The following COL4A2 variants were observed in gnomAD, a reference collection of about 807,000 sequenced individuals.
COL4A2 encodes collagen type IV alpha 2 chain, also known as collagen alpha-2(IV) chain.
Under a neutral mutation model 200.2 loss-of-function variants are expected in COL4A2, and 99 were observed. The observed-to-expected ratio is 0.49, with a 90% CI of 0.42 to 0.58. The LOEUF is 0.58. Ranked by LOEUF, COL4A2 falls within the 20% of genes least tolerant of loss-of-function variation. The pLI is 0.00. For synonymous variants in COL4A2, 897 were observed against 900.6 expected (o/e 1.00, Z 0.07); for missense variants, 1,950 against 2,314.1 (o/e 0.84, Z 3.23).
At chr13:110,429,477 T>A (rs1428128189) in intron 7 of COL4A2, 1 of 174,998 alleles carries the variant, frequency 5.7e-6, no homozygotes, top group African/African-American at 2.4e-5. Context: ...CAATTCCAAT[T>A]TTAAAGAATG....
intron 3 of COL4A2, among the ~76,000 whole-genome samples, chr13:110,342,270 C>A (rs1408224260): frequency 6.6e-6 from 1 of 152,156 alleles, no homozygotes; most frequent in Admixed American, 6.5e-5. Context: ...ATTGATGGTA[C>A]CTAGAACTTA....
At chr13:110,450,537 C>T in intron 20 of COL4A2, 83 bp downstream of exon 20, 1 of 1,510,414 alleles carries the variant, frequency 6.6e-7, no homozygotes, top group Non-Finnish European at 9.0e-7. Context: ...TTGGGATTCT[C>T]TGCTAAATGA....
intron 3 of COL4A2, among the ~76,000 whole-genome samples, chr13:110,324,675 G>A (rs1265982912): frequency 6.6e-6 from 1 of 152,200 alleles, no homozygotes; most frequent in African/African-American, 2.4e-5. Context: ...GCTGCCCAGG[G>A]TGCCACAGTG....
intron 46 of COL4A2, among the ~76,000 whole-genome samples, chr13:110,507,255 C>A (rs1471343872): frequency 1.3e-5 from 2 of 152,164 alleles, no homozygotes; most frequent in Non-Finnish European, 2.9e-5. Flanking sequence ...GCTCATGGTG[C>A]CTTCACATTC....
At chr13:110,316,588 G>T (rs1885134766) in intron 3 of COL4A2, among the ~76,000 whole-genome samples, 1 of 152,160 alleles carries the variant, frequency 6.6e-6, no homozygotes, top group African/African-American at 2.4e-5. Context: ...GCATCCTGAA[G>T]ATGCTTCCAG....
chr13:110,414,224 G>A (rs895224980), intron 4 of COL4A2, among the ~76,000 whole-genome samples: 14 of 152,352 alleles, frequency 9.2e-5, no homozygotes, highest in East Asian at 5.8e-4. Flanking sequence ...TGGGTCATCA[G>A]CATGATGCTG....
intron 4 of COL4A2, among the ~76,000 whole-genome samples, chr13:110,362,861 A>AT (rs1877578482): frequency 1.3e-5 from 2 of 152,262 alleles, no homozygotes; most frequent in Admixed American, 1.3e-4. Context: ...AAAGTCTTGG[A>AT]TTTTTCCAAG....
intron 46 of COL4A2, among the ~76,000 whole-genome samples, chr13:110,506,848 C>A (rs1376685457): frequency 6.6e-6 from 1 of 152,188 alleles, no homozygotes; most frequent in Non-Finnish European, 1.5e-5. Flanking sequence ...GTATTGACTT[C>A]CGCAGGCTCC....
chr13:110,378,097 G>A (rs141472734), intron 4 of COL4A2, among the ~76,000 whole-genome samples: 4 of 152,324 alleles, frequency 2.6e-5, no homozygotes, highest in Non-Finnish European at 4.4e-5. Context: ...GTCTCGAATC[G>A]AGATGTAATG....
intron 4 of COL4A2, among the ~76,000 whole-genome samples, chr13:110,405,209 G>A (rs761761730): frequency 6.6e-6 from 1 of 152,194 alleles, no homozygotes; most frequent in Non-Finnish European, 1.5e-5. Context: ...ACAGAGAAAC[G>A]TTTTAGAAAA....
Position 110,425,103 on chromosome 13 carries a change from G to A in COL4A2, c.360+106G>A, listed in dbSNP as rs7326522. ...GAATGAGACCTCCTTTTTTGTTTAT[G>A]ACATAAAACACGTGGGGACTATACG... On this transcript the variant is annotated intron_variant, in intron 6 of 47. Transcript: ENST00000360467. The A allele has an allele frequency of 0.9, 1,245,804 of 1,390,524 alleles. 558,863 individuals are homozygous for A. Among genetic ancestry groups the A allele is most frequent in the East Asian group, 0.95 (40,707 of 42,714 alleles). 86.1% of individuals were successfully genotyped at this position (1,390,524 alleles called of 1,614,324 possible).
intron 40 of COL4A2, among the ~76,000 whole-genome samples, chr13:110,499,703 C>T (rs1462637644): frequency 2.0e-5 from 3 of 152,206 alleles, no homozygotes; most frequent in Non-Finnish European, 4.4e-5. Context: ...GTACTTAGGA[C>T]GATCCATGGG....
At chr13:110,355,750 A>G (rs1172225926) in intron 3 of COL4A2, among the ~76,000 whole-genome samples, 2 of 25,786 alleles carry the variant, frequency 7.8e-5, no homozygotes, top group Non-Finnish European at 1.2e-4. Flanking sequence ...TGTGTGGGGG[A>G]GGGCTGCACT....
chr13:110,468,418 C>CCAGCA, intron 27 of COL4A2: 1 of 439,090 alleles, frequency 2.3e-6, no homozygotes, highest in East Asian at 7.0e-5. Context: ...GAACCAGAGG[C>CCAGCA]CAGCACGCTC....
chr13:110,387,569 G>C (rs1008488330), intron 4 of COL4A2, among the ~76,000 whole-genome samples: 3 of 152,264 alleles, frequency 2.0e-5, no homozygotes, highest in African/African-American at 7.2e-5. Context: ...CAGCCCAGCA[G>C]TCGGGGGCCC....
rs764002137 is a variant in COL4A2 at position 110,450,439 on chromosome 13, C to T, written c.1324C>T (p.Pro442Ser). ...GPPGPPGLPGPPGPDGFLFGL... is the reference protein window; with the variant it reads ...GPPGPPGLPGSPGPDGFLFGL... ...TCCAGGACCCCCCGGGCTCCCTGGA[C>T]CACCTGGACCTGATGGTGAGTGGAG... Residue 442 changes from proline to serine, a missense_variant, in exon 20 of 48, where the codon CCA becomes TCA. Physicochemically the swap from Pro to Ser is moderately conservative, Grantham distance 74. Coordinates refer to ENST00000360467, the MANE Select transcript of COL4A2 (RefSeq NM_001846.4). 3.6e-5 allele frequency: 58 copies of T among 1,613,768 alleles called. No homozygotes were observed. In the Admixed American group the frequency reaches 8.8e-4, roughly 25 times the overall value.
At chr13:110,449,936 G>A (rs536032236) in intron 19 of COL4A2, 147 bp downstream of exon 19, 59 of 890,820 alleles carry the variant, frequency 6.6e-5, no homozygotes, top group East Asian at 2.9e-4. Flanking sequence ...AAGGAGCCCC[G>A]CACACATGCT....
rs146943247 is a variant in COL4A2 at position 110,328,999 on chromosome 13, G to C, written c.99+20876G>C. Among the ~76,000 whole-genome samples, 634 of 152,240 alleles carry C rather than the reference G, an allele frequency of 4.2e-3. 7 individuals carry two copies. Among genetic ancestry groups the C allele is most frequent in the African/African-American group, 0.014 (588 of 41,522 alleles). ...TTGAGCTTTGTAGAACAACATTATG[G>C]AACAAATTTTATACTTCTTTGAGGT... is the stretch of plus-strand genomic sequence containing the variant. On this transcript the variant is annotated intron_variant, in intron 3 of 47. Coordinates refer to ENST00000360467, the MANE Select transcript of COL4A2 (RefSeq NM_001846.4).
chr13:110,341,632 C>T (rs1467921410), intron 3 of COL4A2, among the ~76,000 whole-genome samples: 1 of 152,206 alleles, frequency 6.6e-6, no homozygotes, highest in Non-Finnish European at 1.5e-5. Flanking sequence ...CAGGAGCCTT[C>T]CTTAGGTGTG....
Sources: gnomAD v4.1 joint callset for allele counts (sites outside exome capture counted in the v4.1 genomes callset) on GRCh38, gnomAD v4.1.1 for gene constraint, MANE v1.5 for transcripts, NCBI Gene and HGNC (gene_info 2026-07-23, HGNC 2026-07-21) for gene names.